The following GRIA2 variants were observed in gnomAD, a reference collection of about 807,000 sequenced individuals.
GRIA2 encodes glutamate receptor 2.
GRIA2 carries 14 observed loss-of-function variants against 97.3 expected under a neutral mutation model. That is an observed-to-expected ratio of 0.14 (90% confidence interval 0.10 to 0.23). GRIA2 has a LOEUF of 0.23. Among genes scored for constraint, GRIA2 ranks in the 10% least tolerant of loss-of-function variants. The probability of loss-of-function intolerance (pLI) is 1.00; values close to 1 mark genes in which losing one functional copy is unlikely to be tolerated. For synonymous variants in GRIA2, 412 were observed against 387.8 expected (o/e 1.06, Z -0.73); for missense variants, 558 against 1,069.8 (o/e 0.52, Z 6.67).
chr4:157,283,857 A>G (rs1732719199), intron 2 of GRIA2, among the ~76,000 whole-genome samples: 1 of 151,912 alleles, frequency 6.6e-6, no homozygotes, highest in Non-Finnish European at 1.5e-5. Context: ...TGATTATGCT[A>G]TAAGATGAAA....
chr4:157,281,739 C>A (rs1210726600), intron 2 of GRIA2, among the ~76,000 whole-genome samples: 1 of 152,040 alleles, frequency 6.6e-6, no homozygotes, highest in Non-Finnish European at 1.5e-5. Context: ...GTAGAAACAA[C>A]TTTGATTCAG....
At chr4:157,339,510 A>T (rs555957982) in intron 11 of GRIA2, among the ~76,000 whole-genome samples, 16 of 152,098 alleles carry the variant, frequency 1.1e-4, no homozygotes, top group African/African-American at 2.6e-4. Flanking sequence ...ATTATTTATA[A>T]GTCCAATAAA....
At chr4:157,230,638 CT>C (rs111982171) in intron 2 of GRIA2, among the ~76,000 whole-genome samples, 4 of 144,410 alleles carry the variant, frequency 2.8e-5, no homozygotes, top group Non-Finnish European at 6.0e-5. Context: ...TCCTTTCTTC[CT>C]TTTTTTTGTT....
rs942377358 is a variant in GRIA2, at chr4:157,336,264, A to G, written c.1474-113A>G. 5 of 901,116 alleles carry G rather than the reference A, an allele frequency of 5.5e-6. No homozygotes were observed. In the East Asian group the frequency reaches 9.7e-5, roughly 18 times the overall value. 55.8% of individuals were successfully genotyped at this position (901,116 alleles called of 1,614,324 possible). A position where few individuals can be genotyped will look rare whatever the true frequency, so the allele number is the denominator to read the frequency against. On this transcript the variant is annotated intron_variant, in intron 10 of 15. Transcript: ENST00000264426. ...TTACTGGGACTATACCAAGGAAAAA[A>G]TTATTGTCATTTTTCTGATTTCCTC...
intron 12 of GRIA2, among the ~76,000 whole-genome samples, chr4:157,351,352 TA>T (rs1465512411): frequency 6.6e-6 from 1 of 152,112 alleles, no homozygotes; most frequent in Non-Finnish European, 1.5e-5. Context: ...GACAGGGTCA[TA>T]GGGGTATCAC....
At chr4:157,342,981 G>A (rs979739971) in intron 12 of GRIA2, among the ~76,000 whole-genome samples, 1 of 152,008 alleles carries the variant, frequency 6.6e-6, no homozygotes. Context: ...ATAGAAACAC[G>A]TGTCTTAATC....
intron 15 of GRIA2, 60 bp from the exon 16 acceptor site, chr4:157,363,375 G>A (rs1278410795): frequency 9.2e-7 from 1 of 1,081,400 alleles, no homozygotes; most frequent in Non-Finnish European, 1.2e-6. Context: ...TCCTCTGGAT[G>A]CATTTGAAAA....
intron 2 of GRIA2, among the ~76,000 whole-genome samples, chr4:157,277,911 TA>T (rs1732419711): frequency 7.0e-6 from 1 of 142,924 alleles, no homozygotes; most frequent in African/African-American, 2.6e-5. Flanking sequence ...TGTATATATG[TA>T]TATATATGTA....
chr4:157,289,778 T>C (rs1290161488), intron 2 of GRIA2, among the ~76,000 whole-genome samples: 1 of 151,892 alleles, frequency 6.6e-6, no homozygotes, highest in East Asian at 1.9e-4. Context: ...CAAGTTTATA[T>C]ATTAAAAATA....
At chr4:157,232,815 A>G (rs1730081404) in intron 2 of GRIA2, among the ~76,000 whole-genome samples, 1 of 152,200 alleles carries the variant, frequency 6.6e-6, no homozygotes, top group Admixed American at 6.5e-5. Context: ...CTTGGGATAC[A>G]GAATAGCATG....
chr4:157,341,653 C>T (rs1579377856), intron 12 of GRIA2, among the ~76,000 whole-genome samples, 191 bp downstream of exon 12: 1 of 152,184 alleles, frequency 6.6e-6, no homozygotes, highest in Middle Eastern at 3.4e-3. Context: ...GTTTCTGATT[C>T]CTGACTCCTT....
chr4:157,333,110 A>G (rs1735130730), intron 7 of GRIA2, 124 bp downstream of exon 7: 1 of 955,588 alleles, frequency 1.0e-6, no homozygotes, highest in Admixed American at 2.8e-5. Context: ...TTTTCTAACA[A>G]CACAAAGGTA....
At chr4:157,333,226 C>A (rs1372330506) in intron 7 of GRIA2, 23 bp from the exon 8 acceptor site, 1 of 1,344,248 alleles carries the variant, frequency 7.4e-7, no homozygotes. Flanking sequence ...TATAACTCTG[C>A]TGCTTTCCCA....
intron 5 of GRIA2, among the ~76,000 whole-genome samples, chr4:157,320,486 A>AT (rs1332131198): frequency 1.3e-5 from 2 of 152,068 alleles, no homozygotes; most frequent in Non-Finnish European, 2.9e-5. Context: ...AGAATATATG[A>AT]TTTTTGTTAT....
chr4:157,264,339 T>C (rs1416427361), intron 2 of GRIA2, among the ~76,000 whole-genome samples: 6 of 152,118 alleles, frequency 3.9e-5, no homozygotes, highest in East Asian at 1.9e-4. Context: ...TTCCTTGCCT[T>C]GTCCAACTTC....
At chr4:157,288,120 T>C (rs1732928616) in intron 2 of GRIA2, among the ~76,000 whole-genome samples, 1 of 151,616 alleles carries the variant, frequency 6.6e-6, no homozygotes, top group Admixed American at 6.6e-5. Context: ...TGTCTCAAAG[T>C]ATAATTTTTT....
At chr4:157,254,264 C>T (rs944987999) in intron 2 of GRIA2, among the ~76,000 whole-genome samples, 6 of 151,706 alleles carry the variant, frequency 4.0e-5, no homozygotes, top group Admixed American at 2.0e-4. Flanking sequence ...ACTATAAGAA[C>T]GTATAGAAGC....
chr4:157,255,092 C>T (rs1407068692), intron 2 of GRIA2, among the ~76,000 whole-genome samples: 1 of 151,956 alleles, frequency 6.6e-6, no homozygotes, highest in Non-Finnish European at 1.5e-5. Context: ...CCCTCTTACC[C>T]AGTCTCCCCG....
chr4:157,226,173 A>T (rs1729736478), intron 2 of GRIA2, among the ~76,000 whole-genome samples: 1 of 152,046 alleles, frequency 6.6e-6, no homozygotes, highest in South Asian at 2.1e-4. Context: ...CAACAAAATA[A>T]ATTATAAAAA....
Sources: gnomAD v4.1 joint callset for allele counts (sites outside exome capture counted in the v4.1 genomes callset) on GRCh38, gnomAD v4.1.1 for gene constraint, MANE v1.5 for transcripts, NCBI Gene and HGNC (gene_info 2026-07-23, HGNC 2026-07-21) for gene names.